The following GLYR1 variants were observed in gnomAD, a reference collection of about 807,000 sequenced individuals.
GLYR1 encodes the protein glyoxylate reductase 1 homolog.
In GLYR1, 21 loss-of-function variants were observed where a neutral mutation model predicts 72.7. That is an observed-to-expected ratio of 0.29 (90% CI 0.20 to 0.42). The LOEUF (loss-of-function observed/expected upper bound fraction) is 0.42. GLYR1 is among the 10% of genes least tolerant of loss of function. The pLI is 1.00. For missense variants in GLYR1, 594 were observed against 712.1 expected, an observed-to-expected ratio of 0.83 and a Z score of 1.89; for synonymous variants, 392 against 270.2, an observed-to-expected ratio of 1.45 and a Z score of -4.42.
chr16:4,834,648 T>C (rs2085020594), intron 3 of GLYR1, among the ~76,000 whole-genome samples: 1 of 152,150 alleles, frequency 6.6e-6, no homozygotes, highest in East Asian at 1.9e-4. Context: ...ATGTTTCTAG[T>C]AGAGACGGGG....
At chr16:4,826,366 A>G (rs1007930954) in intron 5 of GLYR1, among the ~76,000 whole-genome samples, 4 of 152,176 alleles carry the variant, frequency 2.6e-5, no homozygotes, top group South Asian at 2.1e-4. Flanking sequence ...TCGGCCTTCC[A>G]AAGTGCTGGG....
chr16:4,812,296 T>C (rs2083362924), intron 12 of GLYR1, 48 bp from the exon 13 acceptor site: 1 of 1,575,714 alleles, frequency 6.3e-7, no homozygotes, highest in East Asian at 2.3e-5. Flanking sequence ...CTCCCAGCGC[T>C]CTCTGGGCAG....
chr16:4,830,094 A>G (rs1230674160), intron 5 of GLYR1, among the ~76,000 whole-genome samples: 3 of 151,930 alleles, frequency 2.0e-5, no homozygotes, highest in Admixed American at 2.0e-4. Flanking sequence ...GTGAGCTACC[A>G]TGCCTGGCCA....
chr16:4,846,077 T>A, intron 2 of GLYR1, 97 bp downstream of exon 2: 2 of 1,374,282 alleles, frequency 1.5e-6, no homozygotes, highest in Non-Finnish European at 2.1e-6. Flanking sequence ...ATGAGCCCAA[T>A]TTAACTCAAT....
chr16:4,805,057 C>T lies in GLYR1; in HGVS notation c.*179G>A. 1 of 624,316 alleles carries T rather than the reference C, an allele frequency of 1.6e-6. No homozygotes were observed. The highest frequency in any genetic ancestry group is 1.8e-5 in the South Asian group (1 of 55,120). The allele number at this position is 624,316 out of a possible 1,614,324, so 38.7% of individuals were successfully genotyped here. On this transcript the variant is annotated 3_prime_UTR_variant, in exon 16 of 16. Coordinates refer to ENST00000321919, the MANE Select transcript of GLYR1 (RefSeq NM_032569.4). ...ATCCTGCTGACACTTGTCCCCTCCCCACCGGCCTCAGGGGAAGGGTGCTGC... is the reference window on the plus strand; with the variant it reads ...ATCCTGCTGACACTTGTCCCCTCCCTACCGGCCTCAGGGGAAGGGTGCTGC...
At position 4,811,241 on chromosome 16, in the gene GLYR1, C is replaced by G. The variant is rs2083308488; in HGVS notation, c.1516G>C (p.Asp506His). The G allele has an allele frequency of 6.2e-7, 1 of 1,614,068 alleles. No homozygotes were observed. The highest frequency in any genetic ancestry group is 8.5e-7 in the Non-Finnish European group (1 of 1,180,046). The change falls in exon 15 of 16, where the codon GAT becomes CAT. Residue 506 changes from aspartate (D) to histidine (H), a missense_variant. By Grantham distance (81) the Asp-to-His change is moderately conservative (BLOSUM62 -1). This residue lies in a region of GLYR1 where 266 missense variants were observed against 358.4 expected (regional missense o/e 0.74). Transcript: ENST00000321919. ...CCCAGCGCAATGGCTAAGCGGAGATCCTTCTGAATGTATTTCAGGTAGAAA... is the reference window on the plus strand; with the variant it reads ...CCCAGCGCAATGGCTAAGCGGAGATGCTTCTGAATGTATTTCAGGTAGAAA... ...PDFYLKYIQKDLRLAIALGDA... is the reference protein window; with the variant it reads ...PDFYLKYIQKHLRLAIALGDA...
chr16:4,835,714 C>T (rs1450507087), intron 3 of GLYR1, among the ~76,000 whole-genome samples: 1 of 152,100 alleles, frequency 6.6e-6, no homozygotes, highest in Non-Finnish European at 1.5e-5. Flanking sequence ...AGCTGTAATC[C>T]CAGCTACTCG....
intron 3 of GLYR1, among the ~76,000 whole-genome samples, chr16:4,844,160 A>G (rs1376823986): frequency 6.6e-6 from 1 of 151,984 alleles, no homozygotes; most frequent in Non-Finnish European, 1.5e-5. Context: ...AGACCCAGGT[A>G]AGCCACTTGA....
chr16:4,825,210 G>A (rs1400329268), intron 5 of GLYR1, among the ~76,000 whole-genome samples: 2 of 152,136 alleles, frequency 1.3e-5, no homozygotes, highest in East Asian at 1.9e-4. Context: ...GTAAAGCTAC[G>A]GGCTTCATGA....
chr16:4,805,022 C>A lies in GLYR1; in HGVS notation c.*214G>T. The A allele has an allele frequency of 3.9e-6, 2 of 517,062 alleles. No individual in the cohort carries two copies. Among genetic ancestry groups the A allele is most frequent in the Non-Finnish European group, 3.6e-6 (1 of 281,064 alleles). The allele number at this position is 517,062 out of a possible 1,614,324, so 32.0% of individuals were successfully genotyped here. ...GCCAGTGCCCAGCTCAAGAGCTTTC[C>A]CACACGCCAATCCTGCTGACACTTG... On this transcript the variant is annotated 3_prime_UTR_variant, in exon 16 of 16. Coordinates refer to ENST00000321919, the MANE Select transcript of GLYR1 (RefSeq NM_032569.4).
Position 4,823,894 on chromosome 16 carries a change from G to T in GLYR1, c.551C>A (p.Pro184Gln). The T allele has an allele frequency of 6.2e-7, 1 of 1,613,970 alleles. No individual in the cohort carries two copies. The highest frequency in any genetic ancestry group is 1.1e-5 in the South Asian group (1 of 91,074). Residue 184 changes from proline to glutamine, a missense_variant, in exon 6 of 16, where the codon CCG becomes CAG. This residue lies in a region of GLYR1 where 252 missense variants were observed against 211.3 expected (regional missense o/e 1.19). Transcript: ENST00000321919. Reference protein sequence around the residue: ...PPKDEKDLTIPESSTVKGMMA... With the variant: ...PPKDEKDLTIQESSTVKGMMA... Reference sequence around the variant, plus strand: ...CATCCCCTTCACGGTACTAGACTCCGGGATGGTGAGATCCTATAGAGGGAG... The same window carrying T: ...CATCCCCTTCACGGTACTAGACTCCTGGATGGTGAGATCCTATAGAGGGAG...
chr16:4,839,282 T>G (rs2085375313), intron 3 of GLYR1: 1 of 152,336 alleles, frequency 6.6e-6, no homozygotes, highest in Admixed American at 6.5e-5. Context: ...TTTGTAGAGA[T>G]GGGTCTTGCC....
chr16:4,809,656 G>C (rs530113574), intron 15 of GLYR1, among the ~76,000 whole-genome samples: 5 of 150,974 alleles, frequency 3.3e-5, no homozygotes, highest in Admixed American at 1.3e-4. Flanking sequence ...GGTTGTGGTG[G>C]TTCATGCCTG....
chr16:4,818,674 G>C, intron 9 of GLYR1, among the ~76,000 whole-genome samples: 1 of 152,154 alleles, frequency 6.6e-6, no homozygotes, highest in Non-Finnish European at 1.5e-5. Flanking sequence ...GCATGAACCA[G>C]GACGGCAATT....
chr16:4,832,989 C>T (rs1181851149), intron 3 of GLYR1, 77 bp from the exon 4 acceptor site: 45 of 1,369,758 alleles, frequency 3.3e-5, no homozygotes, highest in Non-Finnish European at 3.6e-5. Context: ...CACTATGGCA[C>T]GGTGTAAATA....
At position 4,845,044 on chromosome 16, in the gene GLYR1, G is replaced by A. The variant is rs374178018; in HGVS notation, c.155+30C>T. ...CTCCAGGTAACACAGAAAGAAAGGC[G>A]AAGGGAGACTCCTGGTGAGTACTAC... On this transcript the variant is annotated intron_variant, in intron 3 of 15. Coordinates refer to ENST00000321919, the MANE Select transcript of GLYR1 (RefSeq NM_032569.4). 97 of 1,465,228 alleles carry A rather than the reference G, an allele frequency of 6.6e-5. 4 individuals are homozygous for A. The Middle Eastern group carries it at 6.1e-3, about 92-fold the overall frequency. The allele number at this position is 1,465,228 out of a possible 1,614,324, so 90.8% of individuals were successfully genotyped here.
chr16:4,846,262 C>G, intron 1 of GLYR1, 52 bp from the exon 2 acceptor site: 1 of 1,581,816 alleles, frequency 6.3e-7, no homozygotes. Context: ...CAGTCCATCT[C>G]CTTCAACCCA....
At chr16:4,840,005 A>T (rs1291426858) in intron 3 of GLYR1, 4 of 152,222 alleles carry the variant, frequency 2.6e-5, no homozygotes, top group Non-Finnish European at 5.9e-5. Flanking sequence ...TGCCTGGACC[A>T]CATGCCCCCT....
chr16:4,840,261 C>T (rs1176936808), intron 3 of GLYR1: 1 of 152,464 alleles, frequency 6.6e-6, no homozygotes, highest in Non-Finnish European at 1.5e-5. Flanking sequence ...CCTCCTGATC[C>T]CGTGATTCCT....
Sources: allele counts gnomAD v4.1 joint callset (sites outside exome capture counted in the v4.1 genomes callset), GRCh38; gene constraint gnomAD v4.1.1; regional missense constraint gnomAD v4.1.1; transcripts MANE v1.5; gene names NCBI Gene and HGNC (gene_info 2026-07-23, HGNC 2026-07-21).